The following ZNF277 variants were observed in gnomAD, a reference collection of about 807,000 sequenced individuals.
ZNF277 encodes zinc finger protein 277.
In ZNF277, 55 loss-of-function variants were observed where a neutral mutation model predicts 60.7. The ratio of observed to expected loss-of-function variants is 0.91; its 90% CI spans 0.73 to 1.13. The LOEUF (loss-of-function observed/expected upper bound fraction) is 1.13, where lower values mean the gene tolerates loss of function less well. ZNF277 is among the 50% of genes most tolerant of loss of function. The pLI, the probability that ZNF277 is intolerant of heterozygous loss-of-function variation, is 0.00. For synonymous variants in ZNF277, 178 were observed against 179.3 expected, an observed-to-expected ratio of 0.99 and a Z score of 0.06; for missense variants, 510 against 523.0, an observed-to-expected ratio of 0.98 and a Z score of 0.24.
chr7:112,234,287 C>T (rs893628166), intron 1 of ZNF277, among the ~76,000 whole-genome samples: 9 of 152,246 alleles, frequency 5.9e-5, no homozygotes, highest in East Asian at 3.9e-4. Context: ...CCACAAACTG[C>T]GTGGCTTGTA....
chr7:112,226,647 G>A (rs574632989), intron 1 of ZNF277, among the ~76,000 whole-genome samples: 1 of 152,246 alleles, frequency 6.6e-6, no homozygotes, highest in South Asian at 2.1e-4. Context: ...GCTTTCTAAT[G>A]CATTATTTAA....
intron 7 of ZNF277, among the ~76,000 whole-genome samples, chr7:112,331,992 TATG>T (rs1380127510): frequency 3.3e-5 from 5 of 152,206 alleles, no homozygotes; most frequent in Admixed American, 3.3e-4. Context: ...TTTAGAAAAG[TATG>T]ATACTTCATT....
intron 5 of ZNF277, among the ~76,000 whole-genome samples, chr7:112,323,649 A>G (rs144030744): frequency 5.3e-5 from 8 of 152,340 alleles, no homozygotes; most frequent in African/African-American, 1.9e-4. Context: ...CAGTTGAGCC[A>G]TGTTTCTTAA....
chr7:112,315,078 A>G lies in ZNF277; in HGVS notation c.466-3104A>G, dbSNP rs137884334. Among the ~76,000 whole-genome samples the G allele has an allele frequency of 1.8e-4, 28 of 152,208 alleles. 1 individual carries two copies. The highest frequency in any genetic ancestry group is 4.1e-4 in the South Asian group (2 of 4,828). On this transcript the variant is annotated intron_variant, in intron 4 of 11. Transcript: ENST00000361822. ...TATATGTATGGGGAAAGTCCTTCCT[A>G]TAAATCCATCCATCTGGTATCTGGT...
chr7:112,234,666 A>G (rs1040856773), intron 1 of ZNF277, among the ~76,000 whole-genome samples: 2 of 152,182 alleles, frequency 1.3e-5, no homozygotes, highest in Non-Finnish European at 2.9e-5. Context: ...AGAATGCAGC[A>G]TATTACCAAA....
intron 1 of ZNF277, among the ~76,000 whole-genome samples, chr7:112,235,054 A>T (rs562244081): frequency 3.3e-5 from 5 of 152,106 alleles, no homozygotes; most frequent in African/African-American, 1.2e-4. Flanking sequence ...AATTTATTTT[A>T]TTCTTTTTGC....
chr7:112,324,523 A>G (rs1280462792), intron 5 of ZNF277, among the ~76,000 whole-genome samples: 2 of 152,208 alleles, frequency 1.3e-5, no homozygotes, highest in East Asian at 3.8e-4. Context: ...AAGGACTTCA[A>G]AATCTGACAT....
At chr7:112,262,073 A>G (rs1587128142) in intron 1 of ZNF277, among the ~76,000 whole-genome samples, 1 of 151,958 alleles carries the variant, frequency 6.6e-6, no homozygotes, top group East Asian at 1.9e-4. Flanking sequence ...GGTGTTCCCT[A>G]ACTCACTATT....
chr7:112,252,347 C>G (rs990618052), intron 1 of ZNF277, among the ~76,000 whole-genome samples: 11 of 152,060 alleles, frequency 7.2e-5, no homozygotes, highest in African/African-American at 2.7e-4. Flanking sequence ...CACCATAGAG[C>G]CCCGTTGTTC....
chr7:112,286,773 A>G (rs1792072325), intron 1 of ZNF277, 100 bp from the exon 2 acceptor site: 1 of 970,888 alleles, frequency 1.0e-6, no homozygotes, highest in African/African-American at 1.7e-5. Context: ...AAATATCTTT[A>G]GGATCTTTTT....
In ZNF277 at chr7:112,221,119, G is replaced by C. The variant is rs567094134; in HGVS notation, c.91+14312G>C. On this transcript the variant is annotated intron_variant, in intron 1 of 11. Transcript: ENST00000361822. ...CCAGCAGGGTGTCTGCTGGGCTCCT[G>C]ATCCAGCGAGGTGCCCATTGCCGCT... 2.0e-5 allele frequency among the ~76,000 whole-genome samples: 3 copies of C among 152,296 alleles called. No homozygotes were observed. In the East Asian group the frequency reaches 5.8e-4, roughly 29 times the overall value.
chr7:112,262,279 C>T (rs1057317684), intron 1 of ZNF277, among the ~76,000 whole-genome samples: 3 of 149,916 alleles, frequency 2.0e-5, no homozygotes, highest in Admixed American at 6.6e-5. Flanking sequence ...CATTGAGCCA[C>T]GTGTGTAGAC....
intron 1 of ZNF277, among the ~76,000 whole-genome samples, chr7:112,263,577 T>C (rs11773464): frequency 0.37 from 56,672 of 151,970 alleles, 13,241 homozygotes; most frequent in African/African-American, 0.66. Flanking sequence ...TTTTGTAGCT[T>C]CAGATCATCA....
At chr7:112,322,425 C>T (rs189937295) in intron 5 of ZNF277, among the ~76,000 whole-genome samples, 285 of 152,000 alleles carry the variant, frequency 1.9e-3, no homozygotes, top group Non-Finnish European at 2.8e-3. Context: ...ATTTTTACTT[C>T]CAGCTTAAGT....
chr7:112,277,941 G>A (rs1791847688), intron 1 of ZNF277, among the ~76,000 whole-genome samples: 2 of 152,164 alleles, frequency 1.3e-5, no homozygotes, highest in Admixed American at 6.5e-5. Context: ...TAGGCCTTCA[G>A]GACTGCCATA....
At chr7:112,265,051 A>T (rs538293877) in intron 1 of ZNF277, among the ~76,000 whole-genome samples, 75 of 152,206 alleles carry the variant, frequency 4.9e-4, no homozygotes, top group Middle Eastern at 3.4e-3. Context: ...CTTCATCAAA[A>T]CTTTCTCCAT....
At chr7:112,342,469 C>T (rs1217913214) in intron 11 of ZNF277, 92 bp from the exon 12 acceptor site, 6 of 1,138,902 alleles carry the variant, frequency 5.3e-6, no homozygotes, top group Non-Finnish European at 7.0e-6. Flanking sequence ...GGCAAGGATA[C>T]CTGACAAAAT....
intron 1 of ZNF277, among the ~76,000 whole-genome samples, chr7:112,243,728 T>C (rs547578445): frequency 6.6e-6 from 1 of 152,072 alleles, no homozygotes; most frequent in African/African-American, 2.4e-5. Context: ...AGTACAACCA[T>C]TATGGAAAAC....
At chr7:112,324,723 C>T (rs971072881) in intron 5 of ZNF277, among the ~76,000 whole-genome samples, 4 of 152,030 alleles carry the variant, frequency 2.6e-5, no homozygotes, top group Non-Finnish European at 5.9e-5. Flanking sequence ...TCAGGGTTCT[C>T]CAGAGAAACA....
Sources: gnomAD v4.1 joint callset for allele counts (sites outside exome capture counted in the v4.1 genomes callset) on GRCh38, gnomAD v4.1.1 for gene constraint, MANE v1.5 for transcripts, NCBI Gene and HGNC (gene_info 2026-07-23, HGNC 2026-07-21) for gene names.